The following MYOZ2 variants were observed in gnomAD, a reference collection of about 807,000 sequenced individuals.
MYOZ2 encodes myozenin-2.
A neutral mutation model predicts 25.4 loss-of-function variants in MYOZ2; 19 were observed. That is an observed-to-expected ratio of 0.75 (90% confidence interval 0.52 to 1.10). MYOZ2 has a LOEUF of 1.10. Ranked by LOEUF, MYOZ2 falls within the 50% of genes least tolerant of loss-of-function variation. The probability of loss-of-function intolerance (pLI) is 0.00; values close to 1 mark genes in which losing one functional copy is unlikely to be tolerated. For synonymous variants in MYOZ2, 92 were observed against 106.9 expected, an observed-to-expected ratio of 0.86 and a Z score of 0.86; for missense variants, 270 against 317.9, an observed-to-expected ratio of 0.85 and a Z score of 1.15.
chr4:119,167,184 G>C (rs932710977), intron 5 of MYOZ2, among the ~76,000 whole-genome samples: 4 of 152,144 alleles, frequency 2.6e-5, no homozygotes, highest in African/African-American at 9.7e-5. Flanking sequence ...AATTCAGGAA[G>C]AAAATGATAA....
intron 5 of MYOZ2, among the ~76,000 whole-genome samples, 178 bp from the exon 6 acceptor site, chr4:119,185,787 AG>A (rs1214515887): frequency 6.6e-6 from 1 of 152,230 alleles, no homozygotes; most frequent in Non-Finnish European, 1.5e-5. Flanking sequence ...TGGTCTTTAA[AG>A]TAGAAATGCT....
intron 5 of MYOZ2, among the ~76,000 whole-genome samples, chr4:119,175,127 C>G (rs933741813): frequency 3.3e-5 from 5 of 151,134 alleles, no homozygotes; most frequent in African/African-American, 1.2e-4. Flanking sequence ...TCAGTGAGAC[C>G]AAGAACCCAC....
chr4:119,173,461 A>C lies in MYOZ2; in HGVS notation c.560+9067A>C, dbSNP rs78395130. ...GAGTAGTCTCTCGCTTTGAAAACTT[A>C]ACATCTCTATTAATGGACTCTCTTT... On this transcript the variant is annotated intron_variant, in intron 5 of 5. Coordinates refer to ENST00000307128, the MANE Select transcript of MYOZ2 (RefSeq NM_016599.5). Among the ~76,000 whole-genome samples, 203 of 152,342 alleles carry C rather than the reference A, an allele frequency of 1.3e-3. 2 individuals are homozygous for C. The East Asian group carries it at 0.026, about 19-fold the overall frequency.
chr4:119,173,420 A>C (rs903912097), intron 5 of MYOZ2, among the ~76,000 whole-genome samples: 6 of 152,210 alleles, frequency 3.9e-5, no homozygotes, highest in African/African-American at 1.4e-4. Context: ...ATTTTCAGGG[A>C]CCTTAAAAAT....
At chr4:119,155,755 C>T (rs1424069720) in intron 3 of MYOZ2, among the ~76,000 whole-genome samples, 1 of 152,080 alleles carries the variant, frequency 6.6e-6, no homozygotes, top group Non-Finnish European at 1.5e-5. Flanking sequence ...AATGCCATAC[C>T]AGCATTTGTA....
At chr4:119,158,910 A>G (rs1741646167) in intron 4 of MYOZ2, among the ~76,000 whole-genome samples, 1 of 152,214 alleles carries the variant, frequency 6.6e-6, no homozygotes, top group Admixed American at 6.5e-5. Flanking sequence ...CAGGGTGACC[A>G]TAGTCAATAG....
chr4:119,139,008 A>G (rs868241472), intron 2 of MYOZ2, among the ~76,000 whole-genome samples: 16 of 152,182 alleles, frequency 1.1e-4, no homozygotes, highest in African/African-American at 3.9e-4. Flanking sequence ...TTCTCTTCAT[A>G]TAGATTATAA....
In MYOZ2 at chr4:119,186,333, A is replaced by G. The variant is rs547840342; in HGVS notation, c.*133A>G. ...AATTTAGTGATTTTCCTTTTCTGAC[A>G]TTCAATTTCAATCTCAGATCAAATA... On this transcript the variant is annotated 3_prime_UTR_variant, in exon 6 of 6. Transcript: ENST00000307128. 8.7e-6 allele frequency: 6 copies of G among 689,866 alleles called. No homozygotes were observed. The highest frequency in any genetic ancestry group is 1.5e-5 in the Non-Finnish European group (6 of 407,702). The allele number at this position is 689,866 out of a possible 1,614,324, so 42.7% of individuals were successfully genotyped here. A position where few individuals can be genotyped will look rare whatever the true frequency, so the allele number is the denominator to read the frequency against.
At chr4:119,157,965 T>C in intron 3 of MYOZ2, 57 bp from the exon 4 acceptor site, 1 of 1,596,254 alleles carries the variant, frequency 6.3e-7, no homozygotes, top group Non-Finnish European at 8.6e-7. Context: ...ATATAGCTCC[T>C]ATTATTGTGC....
intron 4 of MYOZ2, among the ~76,000 whole-genome samples, chr4:119,161,014 T>C (rs761145961): frequency 1.3e-5 from 2 of 152,012 alleles, no homozygotes; most frequent in Non-Finnish European, 2.9e-5. Flanking sequence ...AGCTATAATT[T>C]TGCATTCTTT....
intron 2 of MYOZ2, among the ~76,000 whole-genome samples, chr4:119,146,462 T>G (rs1455448260): frequency 6.6e-6 from 1 of 152,266 alleles, no homozygotes; most frequent in East Asian, 1.9e-4. Context: ...TTTAATTTCC[T>G]TTGAGACTTC....
At chr4:119,180,977 A>G (rs1561134044) in intron 5 of MYOZ2, among the ~76,000 whole-genome samples, 1 of 152,222 alleles carries the variant, frequency 6.6e-6, no homozygotes, top group African/African-American at 2.4e-5. Flanking sequence ...TAGGAAGGGA[A>G]CACCAATATA....
chr4:119,136,779 C>A (rs192214959), intron 2 of MYOZ2, among the ~76,000 whole-genome samples, 178 bp downstream of exon 2: 5 of 152,090 alleles, frequency 3.3e-5, no homozygotes, highest in Admixed American at 6.6e-5. Context: ...TGTAGTCATC[C>A]TTTCTCATTT....
intron 5 of MYOZ2, among the ~76,000 whole-genome samples, chr4:119,175,767 A>T (rs369003083): frequency 0.029 from 4,296 of 150,102 alleles, 79 homozygotes; most frequent in Middle Eastern, 0.056. Flanking sequence ...AAAAAAAAAA[A>T]TTTTGAAGTA....
chr4:119,181,380 T>C (rs977955159), intron 5 of MYOZ2, among the ~76,000 whole-genome samples: 2 of 152,236 alleles, frequency 1.3e-5, no homozygotes, highest in Admixed American at 1.3e-4. Context: ...AGCTTGAATA[T>C]CCTCATCTGG....
intron 2 of MYOZ2, among the ~76,000 whole-genome samples, chr4:119,147,297 G>A (rs1371285176): frequency 6.6e-6 from 1 of 151,248 alleles, no homozygotes; most frequent in Non-Finnish European, 1.5e-5. Flanking sequence ...TGCCTTCCTG[G>A]AGATTACTTC....
In MYOZ2 at chr4:119,158,100, C is replaced by T. The variant is rs1741624147; in HGVS notation, c.325C>T (p.Pro109Ser). The T allele has an allele frequency of 6.2e-7, 1 of 1,614,016 alleles. No homozygotes were observed. The highest frequency in any genetic ancestry group is 8.5e-7 in the Non-Finnish European group (1 of 1,179,968). The stretch of plus-strand genomic sequence containing the variant: ...TTCGCAGCAAGCCCCCTTGACTCCT[C>T]CCAACACCCCAGATCCACGAAGCCC... ...GGSQQAPLTPPNTPDPRSPPN... is the reference protein window; with the variant it reads ...GGSQQAPLTPSNTPDPRSPPN... Residue 109 changes from proline (P) to serine (S), a missense_variant, in exon 4 of 6, where the codon CCC becomes TCC. Coordinates refer to ENST00000307128, the MANE Select transcript of MYOZ2 (RefSeq NM_016599.5).
intron 5 of MYOZ2, among the ~76,000 whole-genome samples, chr4:119,184,042 C>T (rs764443516): frequency 8.6e-5 from 13 of 151,912 alleles, no homozygotes; most frequent in South Asian, 2.1e-4. Flanking sequence ...CTCGAACTCC[C>T]GACCTCAGGT....
Position 119,186,837 on chromosome 4 carries a change from AG to A in MYOZ2, c.*639del, listed in dbSNP as rs1742302610. Reference sequence around the variant, plus strand: ...ATTATATTCATTTAGCATTAAGTCAAGGAGACTGAGAATGACTCAAGGGACG... The same window carrying A: ...ATTATATTCATTTAGCATTAAGTCAAGAGACTGAGAATGACTCAAGGGACG... On this transcript the variant is annotated 3_prime_UTR_variant, in exon 6 of 6. Transcript: ENST00000307128. 6.6e-6 allele frequency: 1 copy of A among 152,564 alleles called. No individual in the cohort carries two copies. Among genetic ancestry groups the A allele is most frequent in the African/African-American group, 2.4e-5 (1 of 41,456 alleles). 9.5% of individuals were successfully genotyped at this position (152,564 alleles called of 1,614,324 possible).
Sources: allele counts gnomAD v4.1 joint callset (sites outside exome capture counted in the v4.1 genomes callset), GRCh38; gene constraint gnomAD v4.1.1; transcripts MANE v1.5; gene names NCBI Gene and HGNC (gene_info 2026-07-23, HGNC 2026-07-21).